KIAA0825: variants seen among roughly 807,000 people sequenced by gnomAD.
KIAA0825 encodes the protein KIAA0825.
Under a neutral mutation model 147.6 loss-of-function variants are expected in KIAA0825, and 119 were observed. That is an observed-to-expected ratio of 0.81 (90% CI 0.69 to 0.94). The LOEUF (loss-of-function observed/expected upper bound fraction) is 0.94. Among genes scored for constraint, KIAA0825 ranks in the 40% least tolerant of loss-of-function variants. The pLI, the probability that KIAA0825 is intolerant of heterozygous loss-of-function variation, is 0.00. For missense variants in KIAA0825, 1,381 were observed against 1,472.7 expected (o/e 0.94, Z 1.02); for synonymous variants, 470 against 518.1 (o/e 0.91, Z 1.26).
rs546401587 is a variant in KIAA0825, at chr5:94,556,213, C to T, written c.-1-19086G>A. ...GATTACAGGTGTGTGCCACCACACCCGGCTAGTTTTTGTTTTGTTTTGGTT... is the reference window on the plus strand; with the variant it reads ...GATTACAGGTGTGTGCCACCACACCTGGCTAGTTTTTGTTTTGTTTTGGTT... On this transcript the variant is annotated intron_variant, in intron 2 of 20. Coordinates refer to ENST00000682413, the MANE Select transcript of KIAA0825 (RefSeq NM_001145678.3). Among the ~76,000 whole-genome samples the T allele has an allele frequency of 7.9e-5, 12 of 151,996 alleles. No homozygotes were observed. In the East Asian group the frequency reaches 1.4e-3, roughly 17 times the overall value.
At chr5:94,505,932 G>A (rs1765684970) in intron 5 of KIAA0825, among the ~76,000 whole-genome samples, 3 of 152,176 alleles carry the variant, frequency 2.0e-5, no homozygotes, top group African/African-American at 7.2e-5. Flanking sequence ...AAAGTCCTGA[G>A]TTAATATTAC....
intron 5 of KIAA0825, among the ~76,000 whole-genome samples, chr5:94,489,205 T>G (rs990318943): frequency 6.6e-6 from 1 of 152,086 alleles, no homozygotes; most frequent in African/African-American, 2.4e-5. Flanking sequence ...CTAGACCTTC[T>G]CATTGAATTC....
chr5:94,300,683 A>C (rs1778356847), intron 20 of KIAA0825, among the ~76,000 whole-genome samples: 1 of 152,180 alleles, frequency 6.6e-6, no homozygotes, highest in African/African-American at 2.4e-5. Context: ...TGAAGCTCAA[A>C]GGCTATGGCT....
At chr5:94,319,186 C>T (rs1779934605) in intron 20 of KIAA0825, among the ~76,000 whole-genome samples, 1 of 151,700 alleles carries the variant, frequency 6.6e-6, no homozygotes, top group Admixed American at 6.6e-5. Context: ...TTGATCACTC[C>T]CTCTCTCCCT....
intron 20 of KIAA0825, among the ~76,000 whole-genome samples, chr5:94,206,221 AT>A (rs766300493): frequency 2.2e-4 from 34 of 151,844 alleles, no homozygotes; most frequent in Non-Finnish European, 4.4e-4. Flanking sequence ...GTCTGTTATG[AT>A]TTCCAGTTTC....
At chr5:94,387,470 G>C (rs1244136145) in intron 18 of KIAA0825, among the ~76,000 whole-genome samples, 1 of 152,126 alleles carries the variant, frequency 6.6e-6, no homozygotes, top group East Asian at 1.9e-4. Context: ...GAGGTGGGCA[G>C]ATCACTTAAG....
intron 20 of KIAA0825, among the ~76,000 whole-genome samples, chr5:94,332,704 T>C (rs1433633996): frequency 6.6e-6 from 1 of 152,202 alleles, no homozygotes; most frequent in African/African-American, 2.4e-5. Flanking sequence ...TGTGTCTTTT[T>C]ACATGATTAG....
intron 2 of KIAA0825, among the ~76,000 whole-genome samples, chr5:94,561,522 T>A (rs754705980): frequency 3.4e-4 from 52 of 152,180 alleles, no homozygotes; most frequent in Non-Finnish European, 6.2e-4. Flanking sequence ...GCTCTGAACT[T>A]GTGGGGTCCT....
At chr5:94,190,562 T>A (rs1042384695) in intron 20 of KIAA0825, among the ~76,000 whole-genome samples, 1 of 151,186 alleles carries the variant, frequency 6.6e-6, no homozygotes, top group African/African-American at 2.4e-5. Context: ...ATCCTTGCCT[T>A]ATTACTGATC....
intron 2 of KIAA0825, among the ~76,000 whole-genome samples, chr5:94,540,814 G>A (rs888625996): frequency 1.1e-4 from 16 of 152,182 alleles, no homozygotes; most frequent in African/African-American, 3.9e-4. Context: ...GTCATAAACT[G>A]CTTAACTTTG....
At chr5:94,433,970 A>G (rs534401690) in intron 14 of KIAA0825, among the ~76,000 whole-genome samples, 1 of 152,324 alleles carries the variant, frequency 6.6e-6, no homozygotes. Flanking sequence ...CATGTAAGAA[A>G]CCTGTAAGGC....
chr5:94,432,245 G>A (rs1018976691), intron 14 of KIAA0825, among the ~76,000 whole-genome samples: 1 of 152,168 alleles, frequency 6.6e-6, no homozygotes, highest in African/African-American at 2.4e-5. Flanking sequence ...AGCATCACCT[G>A]GGAGTTTGTT....
At chr5:94,169,033 G>A (rs1768337619) in intron 20 of KIAA0825, among the ~76,000 whole-genome samples, 1 of 152,130 alleles carries the variant, frequency 6.6e-6, no homozygotes, top group African/African-American at 2.4e-5. Flanking sequence ...ATCAAAAATT[G>A]AGGGTGATTT....
chr5:94,321,365 C>A (rs1780183504), intron 20 of KIAA0825, among the ~76,000 whole-genome samples: 1 of 151,872 alleles, frequency 6.6e-6, no homozygotes, highest in Admixed American at 6.6e-5. Flanking sequence ...TAACTGATAT[C>A]TATAAAGTGA....
At chr5:94,356,349 T>A (rs898247642) in intron 20 of KIAA0825, among the ~76,000 whole-genome samples, 4 of 152,038 alleles carry the variant, frequency 2.6e-5, no homozygotes, top group African/African-American at 9.7e-5. Context: ...GGCTCATGCC[T>A]GTAATCCCAG....
intron 20 of KIAA0825, among the ~76,000 whole-genome samples, chr5:94,154,818 A>T (rs975200228): frequency 2.6e-5 from 4 of 152,146 alleles, no homozygotes; most frequent in Non-Finnish European, 4.4e-5. Context: ...ACCCGAGCAC[A>T]CTTACTTCTT....
chr5:94,581,040 T>C (rs572918258), intron 2 of KIAA0825, among the ~76,000 whole-genome samples: 1 of 152,160 alleles, frequency 6.6e-6, no homozygotes, highest in South Asian at 2.1e-4. Flanking sequence ...CTACCAGATG[T>C]AGTTTCCAAG....
At chr5:94,557,621 C>T (rs963827507) in intron 2 of KIAA0825, among the ~76,000 whole-genome samples, 16 of 152,098 alleles carry the variant, frequency 1.1e-4, no homozygotes, top group African/African-American at 3.9e-4. Context: ...TGCAACTTAG[C>T]TCACACGTGA....
rs567236436 is a variant in KIAA0825 at position 94,343,180 on chromosome 5, C to T, written c.3710+41188G>A. ...TGAAGGTATCAATTATCTACAAATT[C>T]ATCTATACATATAATGTAAATTCAC... On this transcript the variant is annotated intron_variant, in intron 20 of 20. Coordinates refer to ENST00000682413, the MANE Select transcript of KIAA0825 (RefSeq NM_001145678.3). Among the ~76,000 whole-genome samples, 5 of 152,282 alleles carry T rather than the reference C, an allele frequency of 3.3e-5. No individual in the cohort carries two copies. The East Asian group carries it at 9.6e-4, about 29-fold the overall frequency.
Sources: allele counts gnomAD v4.1 joint callset (sites outside exome capture counted in the v4.1 genomes callset), GRCh38; gene constraint gnomAD v4.1.1; transcripts MANE v1.5; gene names NCBI Gene and HGNC (gene_info 2026-07-23, HGNC 2026-07-21).